TBC1D9: variants seen among roughly 807,000 people sequenced by gnomAD.
TBC1D9 encodes TBC1 domain family member 9A.
TBC1D9 carries 63 observed loss-of-function variants against 132.0 expected under a neutral mutation model. That is an observed-to-expected ratio of 0.48 (90% CI 0.39 to 0.59). TBC1D9 has a LOEUF of 0.59. Among genes scored for constraint, TBC1D9 ranks in the 20% least tolerant of loss-of-function variants. TBC1D9 has a pLI of 0.00. For missense variants in TBC1D9, 1,261 were observed against 1,592.7 expected (o/e 0.79, Z 3.54); for synonymous variants, 610 against 609.9 (o/e 1.00, Z 0.00).
intron 1 of TBC1D9, among the ~76,000 whole-genome samples, chr4:140,721,075 A>T (rs1467371605): frequency 6.6e-6 from 1 of 152,258 alleles, no homozygotes; most frequent in East Asian, 1.9e-4. Context: ...AGATAAGTGG[A>T]CCTAGAAGGG....
At position 140,670,786 on chromosome 4, in the gene TBC1D9, T is replaced by C. The variant is rs536787800; in HGVS notation, c.1200A>G (p.Gln400=). 1 of 1,614,028 alleles carries C rather than the reference T, an allele frequency of 6.2e-7. No homozygotes were observed. The highest frequency in any genetic ancestry group is 1.1e-5 in the South Asian group (1 of 91,086). Residue 400 remains glutamine, a synonymous_variant, in exon 7 of 21, where the codon CAA becomes CAG. Coordinates refer to ENST00000442267, the MANE Select transcript of TBC1D9 (RefSeq NM_015130.3). ...FLVQRISDFL[Q]QTTSKIYSDK... ...CAGAATATATTTTGGAAGTAGTCTG[T>C]TGCAGGAAATCTGAGATCCTCTGCA... is the stretch of plus-strand genomic sequence containing the variant.
At chr4:140,703,970 T>C (rs1738111103) in intron 1 of TBC1D9, among the ~76,000 whole-genome samples, 2 of 152,202 alleles carry the variant, frequency 1.3e-5, no homozygotes, top group South Asian at 4.1e-4. Context: ...GCATCACTCA[T>C]AATTGAGTGT....
At chr4:140,674,953 C>T (rs1737599614) in intron 6 of TBC1D9, among the ~76,000 whole-genome samples, 1 of 152,076 alleles carries the variant, frequency 6.6e-6, no homozygotes, top group Admixed American at 6.5e-5. Context: ...AAGCAGTCCT[C>T]CTGCCCCGGC....
chr4:140,716,409 C>T (rs1003117604), intron 1 of TBC1D9, among the ~76,000 whole-genome samples: 2 of 151,902 alleles, frequency 1.3e-5, no homozygotes, highest in South Asian at 2.1e-4. Context: ...GAGAATCCCT[C>T]GAACCTGGAG....
At chr4:140,713,280 C>T (rs1418932976) in intron 1 of TBC1D9, among the ~76,000 whole-genome samples, 2 of 152,010 alleles carry the variant, frequency 1.3e-5, no homozygotes, top group Non-Finnish European at 2.9e-5. Context: ...CATGGTGTTG[C>T]CTTCAGCTAC....
intron 6 of TBC1D9, among the ~76,000 whole-genome samples, chr4:140,672,934 C>T (rs1334940175): frequency 2.0e-5 from 3 of 152,120 alleles, no homozygotes; most frequent in Admixed American, 6.5e-5. Flanking sequence ...CCTAAGTGGT[C>T]AGATCACTTG....
chr4:140,729,941 T>C (rs1215540205), intron 1 of TBC1D9, among the ~76,000 whole-genome samples: 1 of 152,184 alleles, frequency 6.6e-6, no homozygotes, highest in African/African-American at 2.4e-5. Context: ...AGCACTGTTT[T>C]GAATGTATTG....
At chr4:140,660,977 T>C (rs910567972) in intron 10 of TBC1D9, among the ~76,000 whole-genome samples, 20 of 152,046 alleles carry the variant, frequency 1.3e-4, no homozygotes, top group African/African-American at 2.2e-4. Context: ...TGCAGTGGTA[T>C]GATCTCAGCT....
At position 140,677,077 on chromosome 4, in the gene TBC1D9, A is replaced by G; in HGVS notation, c.876T>C (p.Ser292=). The G allele has an allele frequency of 6.2e-7, 1 of 1,613,788 alleles. No homozygotes were observed. Among genetic ancestry groups the G allele is most frequent in the Non-Finnish European group, 8.5e-7 (1 of 1,179,848 alleles). Residue 292 remains serine, a synonymous_variant, in exon 6 of 21, where the codon AGT becomes AGC. Coordinates refer to ENST00000442267, the MANE Select transcript of TBC1D9 (RefSeq NM_015130.3). ...LKRDLDARAK[S]ERYRALFRLP... ...GCCGGAAAAGTGCACGGTATCTCTCACTCTTTGCCCTGGCATCAAGATCAC... is the reference window on the plus strand; with the variant it reads ...GCCGGAAAAGTGCACGGTATCTCTCGCTCTTTGCCCTGGCATCAAGATCAC...
chr4:140,741,413 A>G (rs1298378388), intron 1 of TBC1D9, among the ~76,000 whole-genome samples: 1 of 152,164 alleles, frequency 6.6e-6, no homozygotes, highest in African/African-American at 2.4e-5. Flanking sequence ...ACCTTTTAAG[A>G]TCTGATCAGA....
intron 9 of TBC1D9, among the ~76,000 whole-genome samples, chr4:140,663,977 T>C (rs74891942): frequency 0.052 from 7,873 of 151,080 alleles, 696 homozygotes; most frequent in African/African-American, 0.18. Flanking sequence ...TAATACTGTA[T>C]TGTATACTTG....
chr4:140,723,326 C>A (rs143996734), intron 1 of TBC1D9, among the ~76,000 whole-genome samples: 203 of 152,222 alleles, frequency 1.3e-3, no homozygotes, highest in African/African-American at 4.5e-3. Context: ...GGCTTCAGGT[C>A]TTTACTTCCC....
chr4:140,751,947 T>C lies in TBC1D9; in HGVS notation c.130+3969A>G, dbSNP rs115870510. ...TGACAGTGTTGACAAGGATATGTGA[T>C]GGAACAAGGGGAACTTCCATATGCT... is the stretch of plus-strand genomic sequence containing the variant. On this transcript the variant is annotated intron_variant, in intron 1 of 20. Transcript: ENST00000442267. 6.7e-3 allele frequency among the ~76,000 whole-genome samples: 1,022 copies of C among 152,362 alleles called. 2 individuals are homozygous for C. Among genetic ancestry groups the C allele is most frequent in the Middle Eastern group, 0.01 (3 of 294 alleles).
chr4:140,624,439 C>T, intron 18 of TBC1D9, 51 bp from the exon 19 acceptor site: 2 of 1,516,146 alleles, frequency 1.3e-6, no homozygotes, highest in Non-Finnish European at 1.8e-6. Flanking sequence ...ATAATATGAC[C>T]ATGGAATTAG....
Position 140,622,180 on chromosome 4 carries a change from G to C in TBC1D9, c.*15C>G, listed in dbSNP as rs1329124059. 1.9e-5 allele frequency: 29 copies of C among 1,557,904 alleles called. No individual in the cohort carries two copies. The highest frequency in any genetic ancestry group is 2.5e-5 in the Non-Finnish European group (29 of 1,143,582). On this transcript the variant is annotated 3_prime_UTR_variant, in exon 21 of 21. Transcript: ENST00000442267. Reference sequence around the variant, plus strand: ...CCCCTCCCTCTCCTCCCACTCCCCCGGGAAGGCGCCCGTGTCAGCCGGACA... The same window carrying C: ...CCCCTCCCTCTCCTCCCACTCCCCCCGGAAGGCGCCCGTGTCAGCCGGACA...
rs539290619 is a variant in TBC1D9, at chr4:140,737,277, G to A, written c.130+18639C>T. Among the ~76,000 whole-genome samples, 517 of 152,102 alleles carry A rather than the reference G, an allele frequency of 3.4e-3. 3 individuals are homozygous for A. Among genetic ancestry groups the A allele is most frequent in the Non-Finnish European group, 5.8e-3 (393 of 67,996 alleles). On this transcript the variant is annotated intron_variant, in intron 1 of 20. Transcript: ENST00000442267. Reference sequence around the variant, plus strand: ...GAATCCTAGTGAGGGGCCCCTGAGCGGAAGATCTGCAGGAAGAGGGACAGC... The same window carrying A: ...GAATCCTAGTGAGGGGCCCCTGAGCAGAAGATCTGCAGGAAGAGGGACAGC...
chr4:140,657,651 C>G lies in TBC1D9; in HGVS notation c.2083G>C (p.Val695Leu). 6.2e-7 allele frequency: 1 copy of G among 1,614,024 alleles called. No homozygotes were observed. Among genetic ancestry groups the G allele is most frequent in the Non-Finnish European group, 8.5e-7 (1 of 1,179,888 alleles). ...ATTCCTTCATAGAAGAAACAGTCAA[C>G]AACCACAACTGCACTCTCAAAAGGC... is the stretch of plus-strand genomic sequence containing the variant. ...VMPFESAVVV[V>L]DCFFYEGIKV... The change falls in exon 12 of 21, where the codon GTT (valine) becomes CTT (leucine). Residue 695 changes from valine (V) to leucine (L), a missense_variant. Val to Leu is a conservative substitution (Grantham distance 32). Coordinates refer to ENST00000442267, the MANE Select transcript of TBC1D9 (RefSeq NM_015130.3).
intron 16 of TBC1D9, among the ~76,000 whole-genome samples, chr4:140,632,815 G>C (rs1196004084): frequency 6.6e-6 from 1 of 152,092 alleles, no homozygotes; most frequent in Non-Finnish European, 1.5e-5. Context: ...AAAGCATTAG[G>C]GCAATGCCAG....
At chr4:140,657,038 C>G (rs765270562) in intron 13 of TBC1D9, 59 bp downstream of exon 13, 25 of 1,580,344 alleles carry the variant, frequency 1.6e-5, no homozygotes, top group Non-Finnish European at 2.2e-5. Context: ...ACAAAACAGG[C>G]AGCAGTGGAA....
Sources: gnomAD v4.1 joint callset for allele counts (sites outside exome capture counted in the v4.1 genomes callset) on GRCh38, gnomAD v4.1.1 for gene constraint, MANE v1.5 for transcripts, NCBI Gene and HGNC (gene_info 2026-07-23, HGNC 2026-07-21) for gene names.